Variants in TIMP3 observed in about 807,000 individuals in gnomAD.
TIMP3 encodes the protein metalloproteinase inhibitor 3.
TIMP3 carries 11 observed loss-of-function variants against 30.0 expected under a neutral mutation model. The ratio of observed to expected loss-of-function variants is 0.37; its 90% confidence interval spans 0.23 to 0.61. TIMP3 has a LOEUF of 0.61. TIMP3 is among the 20% of genes least tolerant of loss of function. TIMP3 has a pLI of 0.70. For synonymous variants in TIMP3, 112 were observed against 111.3 expected, an observed-to-expected ratio of 1.01 and a Z score of -0.04; for missense variants, 181 against 276.8, an observed-to-expected ratio of 0.65 and a Z score of 2.45.
chr22:32,813,762 G>A (rs956441855), intron 1 of TIMP3, among the ~76,000 whole-genome samples: 7 of 151,628 alleles, frequency 4.6e-5, no homozygotes, highest in African/African-American at 7.3e-5. Context: ...CCTTGGCCTC[G>A]TTCATGGCTA....
At position 32,825,092 on chromosome 22, in the gene TIMP3, C is replaced by A. The variant is rs141419425; in HGVS notation, c.121+22970C>A. On this transcript the variant is annotated intron_variant, in intron 1 of 4. Coordinates refer to ENST00000266085, the MANE Select transcript of TIMP3 (RefSeq NM_000362.5). ...GGACTCAGGCAGATAGGATTTCTTTCGGGTTTGGTAAACAGCTGGCCTCTA... is the reference window on the plus strand; with the variant it reads ...GGACTCAGGCAGATAGGATTTCTTTAGGGTTTGGTAAACAGCTGGCCTCTA... 3.7e-4 allele frequency among the ~76,000 whole-genome samples: 56 copies of A among 151,282 alleles called. 1 individual carries two copies. The highest frequency in any genetic ancestry group is 1.3e-3 in the African/African-American group (55 of 41,328).
intron 1 of TIMP3, among the ~76,000 whole-genome samples, chr22:32,840,301 C>T (rs2047857804): frequency 6.6e-6 from 1 of 152,150 alleles, no homozygotes; most frequent in African/African-American, 2.4e-5. Context: ...TCAGGACAGG[C>T]TTTGAACTGG....
intron 1 of TIMP3, among the ~76,000 whole-genome samples, chr22:32,827,169 T>C (rs2047436775): frequency 6.6e-6 from 1 of 152,222 alleles, no homozygotes; most frequent in Non-Finnish European, 1.5e-5. Flanking sequence ...GCAGGAGAGA[T>C]GAGCTTTGGC....
At chr22:32,852,539 C>T (rs1235286624) in intron 2 of TIMP3, among the ~76,000 whole-genome samples, 5 of 152,102 alleles carry the variant, frequency 3.3e-5, no homozygotes, top group Non-Finnish European at 7.4e-5. Flanking sequence ...ACAGTCTACC[C>T]TAGAGAGTCA....
chr22:32,820,766 T>G (rs1188268939), intron 1 of TIMP3, among the ~76,000 whole-genome samples: 3 of 152,186 alleles, frequency 2.0e-5, no homozygotes, highest in African/African-American at 7.2e-5. Flanking sequence ...AGAAGCTTAC[T>G]CATACCTATT....
rs117893608 is a variant in TIMP3, at chr22:32,808,915, C to T, written c.121+6793C>T. 4.2e-3 allele frequency among the ~76,000 whole-genome samples: 646 copies of T among 152,298 alleles called. 11 individuals are homozygous for T. The East Asian group carries it at 0.046, about 11-fold the overall frequency. On this transcript the variant is annotated intron_variant, in intron 1 of 4. Coordinates refer to ENST00000266085, the MANE Select transcript of TIMP3 (RefSeq NM_000362.5). ...GCCACCCAGAGGGATAAACCTAACC[C>T]ACTTTAGAGGGTAAGCACCCACTAT...
intron 1 of TIMP3, among the ~76,000 whole-genome samples, chr22:32,802,525 A>AG (rs1438697680): frequency 2.6e-5 from 4 of 152,184 alleles, no homozygotes; most frequent in Admixed American, 2.0e-4. Flanking sequence ...AAAAAAAAAA[A>AG]AAGTTGCCCG....
intron 1 of TIMP3, among the ~76,000 whole-genome samples, chr22:32,824,481 C>G (rs944912246): frequency 6.6e-6 from 1 of 151,998 alleles, no homozygotes; most frequent in Admixed American, 6.6e-5. Context: ...CCAGAGACAA[C>G]AGCAGATCCC....
At chr22:32,831,888 A>G (rs191818432) in intron 1 of TIMP3, among the ~76,000 whole-genome samples, 2 of 152,340 alleles carry the variant, frequency 1.3e-5, no homozygotes, top group Admixed American at 1.3e-4. Context: ...TGGCTAATGA[A>G]GAAAACAGAT....
intron 1 of TIMP3, among the ~76,000 whole-genome samples, chr22:32,845,732 G>T (rs2048042303): frequency 6.6e-6 from 1 of 152,138 alleles, no homozygotes; most frequent in African/African-American, 2.4e-5. Context: ...TGTAAAGCTG[G>T]CTTCTAGCCA....
chr22:32,816,997 C>T (rs761541266), intron 1 of TIMP3, among the ~76,000 whole-genome samples: 1 of 151,498 alleles, frequency 6.6e-6, no homozygotes, highest in South Asian at 2.1e-4. Flanking sequence ...GCGAGAGGAT[C>T]GCTTGAGCCC....
intron 1 of TIMP3, 27 bp downstream of exon 1, chr22:32,802,149 G>A: frequency 1.3e-6 from 2 of 1,568,582 alleles, no homozygotes; most frequent in Non-Finnish European, 1.7e-6. Flanking sequence ...CCCCGCCCGA[G>A]CCCCACGCTG....
intron 1 of TIMP3, among the ~76,000 whole-genome samples, chr22:32,814,019 C>T (rs738992): frequency 0.44 from 66,665 of 151,138 alleles, 15,380 homozygotes; most frequent in Admixed American, 0.55. Context: ...CAGCTCATTG[C>T]CTGATGTTAG....
intron 1 of TIMP3, among the ~76,000 whole-genome samples, chr22:32,805,186 GTGTTCGGGGCC>G (rs2046694857): frequency 6.6e-6 from 1 of 152,142 alleles, no homozygotes; most frequent in Non-Finnish European, 1.5e-5. Flanking sequence ...AGGATGAAGT[GTGTTCGGGGCC>G]TGCCTCTGAG....
In TIMP3 at chr22:32,860,405, G is replaced by A. The variant is rs1419577302; in HGVS notation, c.*1028G>A. ...TACACATTTGCATATACCCACATGG[G>A]GACATAAGCTAATTTTTTTACAGGA... On this transcript the variant is annotated 3_prime_UTR_variant, in exon 5 of 5. Coordinates refer to ENST00000266085, the MANE Select transcript of TIMP3 (RefSeq NM_000362.5). 1 of 152,534 alleles carries A rather than the reference G, an allele frequency of 6.6e-6. No individual in the cohort carries two copies. The highest frequency in any genetic ancestry group is 1.5e-5 in the Non-Finnish European group (1 of 68,020). 9.4% of individuals were successfully genotyped at this position (152,534 alleles called of 1,614,324 possible). A position where few individuals can be genotyped will look rare whatever the true frequency, so the allele number is the denominator to read the frequency against.
chr22:32,824,277 C>CA (rs130288), intron 1 of TIMP3, among the ~76,000 whole-genome samples: 62,876 of 133,084 alleles, frequency 0.47, 15,163 homozygotes, highest in African/African-American at 0.55. Flanking sequence ...GACTCCATCT[C>CA]AAAAAAAAAA....
intron 1 of TIMP3, among the ~76,000 whole-genome samples, chr22:32,844,238 G>T (rs1216265448): frequency 6.6e-6 from 1 of 152,144 alleles, no homozygotes; most frequent in Non-Finnish European, 1.5e-5. Flanking sequence ...AGGGAGGGCA[G>T]CTCAAGGGTA....
At chr22:32,831,707 C>T (rs1383140004) in intron 1 of TIMP3, among the ~76,000 whole-genome samples, 1 of 152,152 alleles carries the variant, frequency 6.6e-6, no homozygotes, top group Non-Finnish European at 1.5e-5. Flanking sequence ...CACCAGGATC[C>T]ACCTGCCCCT....
chr22:32,814,153 A>AGG (rs2046998038), intron 1 of TIMP3, among the ~76,000 whole-genome samples: 1 of 136,226 alleles, frequency 7.3e-6, no homozygotes, highest in African/African-American at 2.8e-5. Context: ...AGAGAGAGAG[A>AGG]GAGAGAGAGA....
Sources: gnomAD v4.1 joint callset for allele counts (sites outside exome capture counted in the v4.1 genomes callset) on GRCh38, gnomAD v4.1.1 for gene constraint, MANE v1.5 for transcripts, NCBI Gene and HGNC (gene_info 2026-07-23, HGNC 2026-07-21) for gene names.